The following NRG1 variants were observed in gnomAD, a reference collection of about 807,000 sequenced individuals.
The protein encoded by NRG1 is neuregulin 1.
Under a neutral mutation model 63.8 loss-of-function variants are expected in NRG1, and 18 were observed. The ratio of observed to expected loss-of-function variants is 0.28; its 90% CI spans 0.19 to 0.42. NRG1 has a LOEUF of 0.42. Among genes scored for constraint, NRG1 ranks in the 10% least tolerant of loss-of-function variants. The probability of loss-of-function intolerance (pLI) is 1.00; values close to 1 mark genes in which losing one functional copy is unlikely to be tolerated. For synonymous variants in NRG1, 302 were observed against 301.3 expected (o/e 1.00, Z -0.02); for missense variants, 762 against 814.7 (o/e 0.94, Z 0.79).
At chr8:32,385,956 A>G (rs1810966582) in intron 1 of NRG1, among the ~76,000 whole-genome samples, 1 of 152,224 alleles carries the variant, frequency 6.6e-6, no homozygotes, top group Admixed American at 6.5e-5. Context: ...CATTCATTCA[A>G]ATCACGTAAT....
chr8:32,096,913 G>A (rs1367187457), intron 1 of NRG1, among the ~76,000 whole-genome samples: 1 of 152,178 alleles, frequency 6.6e-6, no homozygotes, highest in Non-Finnish European at 1.5e-5. Flanking sequence ...ATAGTCACTC[G>A]AATGTGCTGT....
At chr8:32,376,187 A>G (rs774237689) in intron 1 of NRG1, among the ~76,000 whole-genome samples, 3 of 152,248 alleles carry the variant, frequency 2.0e-5, no homozygotes, top group Non-Finnish European at 2.9e-5. Flanking sequence ...AAAGGTAAAT[A>G]TAATTATTGG....
chr8:31,928,649 T>TACACAC (rs35727947), intron 1 of NRG1, among the ~76,000 whole-genome samples: 42 of 148,242 alleles, frequency 2.8e-4, no homozygotes, highest in African/African-American at 8.3e-4. Flanking sequence ...TATATATATA[T>TACACAC]ACACACACAC....
At chr8:32,332,733 C>T (rs1254987156) in intron 1 of NRG1, among the ~76,000 whole-genome samples, 3 of 152,136 alleles carry the variant, frequency 2.0e-5, no homozygotes, top group African/African-American at 7.2e-5. Context: ...GGATTCTAAT[C>T]CAGGGAGTCT....
intron 1 of NRG1, among the ~76,000 whole-genome samples, chr8:32,168,899 T>A (rs901501161): frequency 2.0e-5 from 3 of 152,164 alleles, no homozygotes; most frequent in African/African-American, 7.2e-5. Flanking sequence ...GAAATATAAA[T>A]TCCATCATGT....
chr8:32,420,688 T>G (rs1446161540), intron 1 of NRG1, among the ~76,000 whole-genome samples: 1 of 152,158 alleles, frequency 6.6e-6, no homozygotes, highest in African/African-American at 2.4e-5. Context: ...CTTGACAATG[T>G]AGGGATTTGT....
intron 1 of NRG1, among the ~76,000 whole-genome samples, chr8:32,572,175 C>T (rs931789972): frequency 6.6e-6 from 1 of 152,138 alleles, no homozygotes; most frequent in African/African-American, 2.4e-5. Context: ...GAAATGCTTA[C>T]GACATAAGTG....
At chr8:31,871,593 C>G (rs1829490847) in intron 1 of NRG1, among the ~76,000 whole-genome samples, 1 of 152,024 alleles carries the variant, frequency 6.6e-6, no homozygotes, top group South Asian at 2.1e-4. Flanking sequence ...ATCAGTTTTT[C>G]AAATCCTGGG....
At chr8:32,681,913 A>G (rs1808746233) in intron 5 of NRG1, among the ~76,000 whole-genome samples, 1 of 152,198 alleles carries the variant, frequency 6.6e-6, no homozygotes, top group African/African-American at 2.4e-5. Context: ...ATCTCAGTGC[A>G]AAATGAGATA....
At chr8:32,322,838 T>C (rs1358274856) in intron 1 of NRG1, among the ~76,000 whole-genome samples, 1 of 149,964 alleles carries the variant, frequency 6.7e-6, no homozygotes, top group African/African-American at 2.5e-5. Flanking sequence ...TGAGGCATTT[T>C]ATTCTATAAT....
chr8:32,479,579 A>C (rs1158251581), intron 1 of NRG1, among the ~76,000 whole-genome samples: 1 of 152,120 alleles, frequency 6.6e-6, no homozygotes, highest in Non-Finnish European at 1.5e-5. Context: ...GCTTAGTGCA[A>C]ATGTCTGGTC....
At chr8:32,229,993 C>A (rs1846747559) in intron 1 of NRG1, among the ~76,000 whole-genome samples, 1 of 152,118 alleles carries the variant, frequency 6.6e-6, no homozygotes, top group East Asian at 1.9e-4. Flanking sequence ...AAACACTCCC[C>A]AACCCCAAGC....
chr8:32,177,387 G>T (rs1207629487), intron 1 of NRG1, among the ~76,000 whole-genome samples: 3 of 151,808 alleles, frequency 2.0e-5, no homozygotes, highest in African/African-American at 7.3e-5. Context: ...TAAATGAGGA[G>T]TTAATGGGTG....
At chr8:32,688,039 G>T (rs900016457) in intron 5 of NRG1, among the ~76,000 whole-genome samples, 9 of 152,150 alleles carry the variant, frequency 5.9e-5, no homozygotes, top group African/African-American at 1.7e-4. Context: ...ACTATATCAG[G>T]TGGTTACTGT....
intron 1 of NRG1, among the ~76,000 whole-genome samples, chr8:32,335,988 C>CCACACACA (rs369664055): frequency 6.6e-6 from 1 of 150,548 alleles, no homozygotes. Context: ...CTCCACCCAC[C>CCACACACA]CACACACACA....
At chr8:31,839,841 A>T (rs2129607504) in intron 1 of NRG1, among the ~76,000 whole-genome samples, 1 of 152,250 alleles carries the variant, frequency 6.6e-6, no homozygotes, top group African/African-American at 2.4e-5. Flanking sequence ...TTCATTAGTG[A>T]AACAGAGGTG....
chr8:32,622,829 C>T (rs139673748), intron 5 of NRG1, among the ~76,000 whole-genome samples: 16 of 152,240 alleles, frequency 1.1e-4, no homozygotes, highest in African/African-American at 3.4e-4. Context: ...TGGAAGAGAG[C>T]TAGTGTGTGG....
chr8:32,102,073 TAAG>T (rs1413001468), intron 1 of NRG1, among the ~76,000 whole-genome samples: 1 of 152,180 alleles, frequency 6.6e-6, no homozygotes, highest in Non-Finnish European at 1.5e-5. Context: ...TTTCCTTTCA[TAAG>T]AAGAGTTGGA....
At chr8:32,381,270 T>C in intron 1 of NRG1, among the ~76,000 whole-genome samples, 1 of 152,232 alleles carries the variant, frequency 6.6e-6, no homozygotes. Context: ...ATTTGCTTTG[T>C]CTTGTCATTC....
Sources: allele counts gnomAD v4.1 joint callset (sites outside exome capture counted in the v4.1 genomes callset), GRCh38; gene constraint gnomAD v4.1.1; transcripts MANE v1.5; gene names NCBI Gene and HGNC (gene_info 2026-07-23, HGNC 2026-07-21).